NLGN1: variants seen among roughly 807,000 people sequenced by gnomAD.
NLGN1 encodes neuroligin 1, also known as neuroligin-1.
In NLGN1, 12 loss-of-function variants were observed where a neutral mutation model predicts 65.5. That is an observed-to-expected ratio of 0.18 (90% CI 0.12 to 0.30). The LOEUF (loss-of-function observed/expected upper bound fraction) is 0.30, where lower values mean the gene tolerates loss of function less well. Among genes scored for constraint, NLGN1 ranks in the 10% least tolerant of loss-of-function variants. The pLI is 1.00. For synonymous variants in NLGN1, 350 were observed against 359.5 expected (o/e 0.97, Z 0.30); for missense variants, 750 against 1,007.1 (o/e 0.74, Z 3.46).
chr3:173,400,156 C>T (rs1717394621), intron 1 of NLGN1, among the ~76,000 whole-genome samples: 1 of 152,148 alleles, frequency 6.6e-6, no homozygotes, highest in Admixed American at 6.5e-5. Flanking sequence ...AGTCGGTTTC[C>T]ATCTTACTGG....
At chr3:173,598,699 C>CA (rs1289812832) in intron 2 of NLGN1, among the ~76,000 whole-genome samples, 1 of 152,040 alleles carries the variant, frequency 6.6e-6, no homozygotes, top group Non-Finnish European at 1.5e-5. Context: ...GTGCGTTCCT[C>CA]AAAAAAGCCT....
intron 5 of NLGN1, 117 bp downstream of exon 5, chr3:174,275,644 A>T (rs1287664085): frequency 3.1e-6 from 2 of 647,332 alleles, no homozygotes; most frequent in African/African-American, 3.7e-5. Flanking sequence ...TGAACTCAAT[A>T]GTTTAAAGCT....
At chr3:173,617,691 C>A (rs1753332490) in intron 3 of NLGN1, among the ~76,000 whole-genome samples, 1 of 152,166 alleles carries the variant, frequency 6.6e-6, no homozygotes, top group Admixed American at 6.5e-5. Context: ...CTGCCAACAG[C>A]CAGAGCTCTT....
intron 2 of NLGN1, among the ~76,000 whole-genome samples, chr3:173,578,543 A>G (rs926880684): frequency 1.3e-5 from 2 of 152,306 alleles, no homozygotes; most frequent in African/African-American, 4.8e-5. Flanking sequence ...TTCCCATCCT[A>G]TTAGGTCAAA....
intron 3 of NLGN1, among the ~76,000 whole-genome samples, chr3:173,693,467 GT>G (rs991427365): frequency 1.1e-3 from 171 of 152,096 alleles, no homozygotes; most frequent in African/African-American, 4.0e-3. Flanking sequence ...AACATAAGAA[GT>G]TACTTAAAGT....
intron 4 of NLGN1, among the ~76,000 whole-genome samples, chr3:173,886,745 T>C (rs1168897976): frequency 3.3e-5 from 5 of 152,024 alleles, no homozygotes. Context: ...CTCAGGCAAT[T>C]CCTAGAGGGA....
chr3:173,636,118 C>T (rs558412116), intron 3 of NLGN1, among the ~76,000 whole-genome samples: 1 of 152,060 alleles, frequency 6.6e-6, no homozygotes, highest in Non-Finnish European at 1.5e-5. Flanking sequence ...AAGAACTTAA[C>T]GATGGTATTT....
At chr3:173,729,809 C>T (rs1018895442) in intron 3 of NLGN1, among the ~76,000 whole-genome samples, 1 of 152,052 alleles carries the variant, frequency 6.6e-6, no homozygotes, top group South Asian at 2.1e-4. Flanking sequence ...GGGACCCATA[C>T]ATTGGTGGTT....
At chr3:173,814,274 T>A (rs1465083933) in intron 4 of NLGN1, among the ~76,000 whole-genome samples, 1 of 152,260 alleles carries the variant, frequency 6.6e-6, no homozygotes, top group Non-Finnish European at 1.5e-5. Context: ...AGGATAGAGC[T>A]AAAATACAAT....
intron 3 of NLGN1, among the ~76,000 whole-genome samples, chr3:173,607,880 C>G (rs866966511): frequency 2.6e-5 from 4 of 151,388 alleles, no homozygotes; most frequent in East Asian, 1.9e-4. Flanking sequence ...AAAATCCTGT[C>G]TTGTTATTAT....
intron 4 of NLGN1, among the ~76,000 whole-genome samples, chr3:173,929,238 A>G (rs1281916956): frequency 3.3e-5 from 5 of 152,182 alleles, no homozygotes; most frequent in Admixed American, 6.5e-5. Context: ...ATTGCTCAGG[A>G]TGGCTTCAGA....
chr3:174,105,467 C>T (rs1713514122), intron 4 of NLGN1, among the ~76,000 whole-genome samples: 1 of 152,036 alleles, frequency 6.6e-6, no homozygotes. Flanking sequence ...CACTTGAGCT[C>T]AGGGATGTCA....
chr3:173,595,880 T>C (rs1394690054), intron 2 of NLGN1, among the ~76,000 whole-genome samples: 1 of 152,200 alleles, frequency 6.6e-6, no homozygotes, highest in African/African-American at 2.4e-5. Flanking sequence ...GAGAACAGTA[T>C]GTGGGAAACC....
intron 3 of NLGN1, among the ~76,000 whole-genome samples, chr3:173,622,585 G>A (rs1246936973): frequency 4.0e-5 from 6 of 149,520 alleles, no homozygotes; most frequent in Non-Finnish European, 7.4e-5. Context: ...AAAAAGAGGA[G>A]GAAAAAAAAA....
At chr3:174,122,947 C>G (rs1427205525) in intron 4 of NLGN1, among the ~76,000 whole-genome samples, 1 of 151,770 alleles carries the variant, frequency 6.6e-6, no homozygotes, top group Admixed American at 6.6e-5. Flanking sequence ...AAAATTTCCT[C>G]TTTAAAATGA....
chr3:173,817,429 T>A (rs1719257128), intron 4 of NLGN1, among the ~76,000 whole-genome samples: 1 of 152,222 alleles, frequency 6.6e-6, no homozygotes, highest in African/African-American at 2.4e-5. Flanking sequence ...TAATACCTCG[T>A]TAAAGTGAGA....
rs545992408 is a variant in NLGN1, at chr3:173,569,266, G to T, written c.-320-35013G>T. ...AAACAACACGGATACCTGGGATTGT[G>T]AGCTTTAGTTTATTTACTTATTACT... On this transcript the variant is annotated intron_variant, in intron 2 of 6. Transcript: ENST00000457714. Among the ~76,000 whole-genome samples, 7 of 152,118 alleles carry T rather than the reference G, an allele frequency of 4.6e-5. No individual in the cohort carries two copies. In the East Asian group the frequency reaches 1.4e-3, roughly 29 times the overall value.
intron 3 of NLGN1, among the ~76,000 whole-genome samples, chr3:173,738,872 T>G (rs960640520): frequency 6.6e-6 from 1 of 152,036 alleles, no homozygotes; most frequent in Non-Finnish European, 1.5e-5. Flanking sequence ...CAAAAACATT[T>G]GATATTAGAA....
intron 4 of NLGN1, among the ~76,000 whole-genome samples, chr3:173,930,414 G>T (rs1743878362): frequency 6.6e-6 from 1 of 152,102 alleles, no homozygotes; most frequent in African/African-American, 2.4e-5. Context: ...AAAGCAAAAT[G>T]TAAAACTGCA....
Sources: gnomAD v4.1 joint callset for allele counts (sites outside exome capture counted in the v4.1 genomes callset) on GRCh38, gnomAD v4.1.1 for gene constraint, MANE v1.5 for transcripts, NCBI Gene and HGNC (gene_info 2026-07-23, HGNC 2026-07-21) for gene names.